The following FGF14 variants were observed in gnomAD, a reference collection of about 807,000 sequenced individuals.
The protein encoded by FGF14 is fibroblast growth factor 14.
A neutral mutation model predicts 25.5 loss-of-function variants in FGF14; 5 were observed. The observed-to-expected ratio is 0.20, with a 90% CI of 0.10 to 0.41. The LOEUF is 0.41. FGF14 is among the 10% of genes least tolerant of loss of function. FGF14 has a pLI of 1.00. For missense variants in FGF14, 222 were observed against 320.1 expected (o/e 0.69, Z 2.34); for synonymous variants, 138 against 118.3 (o/e 1.17, Z -1.08).
chr13:101,938,972 G>A (rs1414492880), intron 1 of FGF14, among the ~76,000 whole-genome samples: 1 of 152,196 alleles, frequency 6.6e-6, no homozygotes, highest in Admixed American at 6.5e-5. Context: ...GAGTGGGGAT[G>A]AGCACTGATG....
chr13:102,353,920 C>T (rs2057357076), intron 1 of FGF14, among the ~76,000 whole-genome samples: 1 of 152,164 alleles, frequency 6.6e-6, no homozygotes, highest in Admixed American at 6.5e-5. Context: ...AGGTTCCCTT[C>T]TGGTAGCTTC....
chr13:101,917,591 G>A (rs1037345430), upstream of FGF14, among the ~76,000 whole-genome samples: 1 of 151,714 alleles, frequency 6.6e-6, no homozygotes, highest in African/African-American at 2.4e-5. Flanking sequence ...GGTGGTTTCC[G>A]CCCTCCCTGC....
intron 1 of FGF14, among the ~76,000 whole-genome samples, chr13:102,265,186 G>C (rs2052926722): frequency 6.6e-6 from 1 of 151,714 alleles, no homozygotes; most frequent in Non-Finnish European, 1.5e-5. Context: ...CCAAAACAAG[G>C]TCTCCACTAC....
At chr13:102,063,448 C>G (rs572812197) in intron 1 of FGF14, among the ~76,000 whole-genome samples, 1 of 152,004 alleles carries the variant, frequency 6.6e-6, no homozygotes, top group Non-Finnish European at 1.5e-5. Context: ...AACCTCATGT[C>G]TACTCAAAAT....
At chr13:102,082,133 A>T (rs1226190727) in intron 1 of FGF14, among the ~76,000 whole-genome samples, 2 of 152,106 alleles carry the variant, frequency 1.3e-5, no homozygotes, top group Admixed American at 1.3e-4. Flanking sequence ...AATGGAAAAT[A>T]AAAAAAGACT....
chr13:102,071,949 C>T (rs921019600), intron 1 of FGF14, among the ~76,000 whole-genome samples: 2 of 152,106 alleles, frequency 1.3e-5, no homozygotes, highest in Non-Finnish European at 2.9e-5. Flanking sequence ...CTAGAACAGC[C>T]GTTCCCCTCC....
chr13:101,863,528 T>C (rs888527816), intron 3 of FGF14, among the ~76,000 whole-genome samples: 3 of 152,156 alleles, frequency 2.0e-5, no homozygotes, highest in African/African-American at 7.2e-5. Flanking sequence ...TAGTGAACAT[T>C]TTTATGAGAA....
At chr13:101,798,969 C>T (rs758489847) in intron 3 of FGF14, among the ~76,000 whole-genome samples, 4 of 152,092 alleles carry the variant, frequency 2.6e-5, no homozygotes, top group Non-Finnish European at 4.4e-5. Flanking sequence ...TGCTACTCGG[C>T]AGATGTATAA....
intron 1 of FGF14, among the ~76,000 whole-genome samples, chr13:102,272,101 T>C (rs889062396): frequency 6.6e-6 from 1 of 152,158 alleles, no homozygotes. Context: ...TTCCCTCCAC[T>C]TTGCCAACAG....
At chr13:102,069,072 G>A (rs979398769) in intron 1 of FGF14, among the ~76,000 whole-genome samples, 8 of 152,050 alleles carry the variant, frequency 5.3e-5, no homozygotes, top group Non-Finnish European at 5.9e-5. Context: ...TGGGGCCTCC[G>A]AGAACCTTTA....
chr13:102,066,496 T>C (rs577730742), intron 1 of FGF14, among the ~76,000 whole-genome samples: 1 of 152,282 alleles, frequency 6.6e-6, no homozygotes, highest in South Asian at 2.1e-4. Context: ...CAAGCATGGA[T>C]TTTTCAGCAT....
At chr13:102,112,293 A>ATGT (rs2045269161) in intron 1 of FGF14, among the ~76,000 whole-genome samples, 1 of 152,180 alleles carries the variant, frequency 6.6e-6, no homozygotes, top group Non-Finnish European at 1.5e-5. Context: ...GTGCTACCGC[A>ATGT]GCTAGACATG....
chr13:102,106,924 A>T (rs1026860239), intron 1 of FGF14, among the ~76,000 whole-genome samples: 3 of 152,200 alleles, frequency 2.0e-5, no homozygotes, highest in Non-Finnish European at 4.4e-5. Flanking sequence ...GAGTGAGGAA[A>T]ATTAATCAGG....
At chr13:102,189,042 G>A (rs1487640425) in intron 1 of FGF14, among the ~76,000 whole-genome samples, 4 of 64,050 alleles carry the variant, frequency 6.2e-5, no homozygotes, top group African/African-American at 2.2e-4. Context: ...AAGAAAGAAA[G>A]AGAAAGAATG....
chr13:102,396,746 T>A (rs566227476), intron 1 of FGF14, among the ~76,000 whole-genome samples: 3 of 152,222 alleles, frequency 2.0e-5, no homozygotes, highest in Non-Finnish European at 4.4e-5. Flanking sequence ...AAGTTTAGAT[T>A]ATCATGCATT....
At chr13:102,312,374 G>C (rs780477500) in intron 1 of FGF14, among the ~76,000 whole-genome samples, 1 of 152,020 alleles carries the variant, frequency 6.6e-6, no homozygotes, top group Admixed American at 6.6e-5. Flanking sequence ...CATTTACAGC[G>C]TTGTCTTTCA....
intron 3 of FGF14, among the ~76,000 whole-genome samples, chr13:101,759,286 G>A (rs1269189289): frequency 1.7e-4 from 26 of 152,110 alleles, no homozygotes; most frequent in Admixed American, 1.6e-3. Context: ...ATCTTGAGGG[G>A]GTGAGGCACA....
intron 1 of FGF14, among the ~76,000 whole-genome samples, chr13:102,307,646 G>A (rs965197965): frequency 2.6e-5 from 4 of 152,076 alleles, no homozygotes; most frequent in African/African-American, 9.7e-5. Context: ...AATATTTTTA[G>A]TATATGTACA....
chr13:102,195,469 A>C (rs2049307612), intron 1 of FGF14, among the ~76,000 whole-genome samples: 1 of 152,186 alleles, frequency 6.6e-6, no homozygotes, highest in Non-Finnish European at 1.5e-5. Context: ...GCAACCATTA[A>C]GAAAAGAATG....
Sources: gnomAD v4.1 joint callset for allele counts (sites outside exome capture counted in the v4.1 genomes callset) on GRCh38, gnomAD v4.1.1 for gene constraint, MANE v1.5 for transcripts, NCBI Gene and HGNC (gene_info 2026-07-23, HGNC 2026-07-21) for gene names.